LARGE1: variants seen among roughly 807,000 people sequenced by gnomAD.
The protein encoded by LARGE1 is xylosyl- and glucuronyltransferase LARGE1.
LARGE1 carries 43 observed loss-of-function variants against 87.6 expected under a neutral mutation model. The ratio of observed to expected loss-of-function variants is 0.49; its 90% CI spans 0.38 to 0.63. The LOEUF (loss-of-function observed/expected upper bound fraction) is 0.63. Ranked by LOEUF, LARGE1 falls within the 30% of genes least tolerant of loss-of-function variation. The probability of loss-of-function intolerance (pLI) is 0.00; values close to 1 mark genes in which losing one functional copy is unlikely to be tolerated. For missense variants in LARGE1, 802 were observed against 1,000.2 expected (o/e 0.80, Z 2.67); for synonymous variants, 434 against 394.6 (o/e 1.10, Z -1.18).
intron 1 of LARGE1, among the ~76,000 whole-genome samples, chr22:33,798,645 C>T (rs756644778): frequency 6.6e-6 from 1 of 152,260 alleles, no homozygotes; most frequent in East Asian, 1.9e-4. Flanking sequence ...GACCTTGACA[C>T]GTTTTTCAAA....
At chr22:33,243,149 C>A (rs1371671736) in intron 11 of LARGE1, among the ~76,000 whole-genome samples, 2 of 152,106 alleles carry the variant, frequency 1.3e-5, no homozygotes, top group East Asian at 1.9e-4. Context: ...GCATGGGGGG[C>A]AGTAGAGCTA....
intron 9 of LARGE1, among the ~76,000 whole-genome samples, chr22:33,374,774 T>C: frequency 6.6e-6 from 1 of 152,292 alleles, no homozygotes; most frequent in African/African-American, 2.4e-5. Flanking sequence ...TTATATAAAA[T>C]TCTTAAAAAT....
At chr22:33,762,891 C>G (rs2084783643) in intron 1 of LARGE1, among the ~76,000 whole-genome samples, 1 of 152,214 alleles carries the variant, frequency 6.6e-6, no homozygotes, top group Non-Finnish European at 1.5e-5. Flanking sequence ...CCACATGGTG[C>G]TTCCCTAACA....
At chr22:33,727,402 A>C (rs2083303635) in intron 2 of LARGE1, 1 of 152,212 alleles carries the variant, frequency 6.6e-6, no homozygotes, top group Non-Finnish European at 1.5e-5. Context: ...GCAATGAGGA[A>C]CCAAGACCCA....
intron 6 of LARGE1, among the ~76,000 whole-genome samples, chr22:33,526,211 G>A (rs190423818): frequency 6.2e-4 from 95 of 152,194 alleles, no homozygotes; most frequent in Admixed American, 1.4e-3. Context: ...GTATTTATAA[G>A]AGAAAAAAAC....
At chr22:33,160,084 A>G (rs991604359), downstream of LARGE1, among the ~76,000 whole-genome samples, 1 of 152,238 alleles carries the variant, frequency 6.6e-6, no homozygotes, top group East Asian at 1.9e-4. Flanking sequence ...AGGGGACACA[A>G]AGTAGCATAA....
At chr22:33,181,689 C>T (rs375226719) in intron 11 of LARGE1, among the ~76,000 whole-genome samples, 7 of 152,046 alleles carry the variant, frequency 4.6e-5, no homozygotes, top group East Asian at 3.9e-4. Context: ...CCACCACACC[C>T]GGGTAATTTT....
intron 1 of LARGE1, among the ~76,000 whole-genome samples, chr22:33,824,035 G>A (rs866578394): frequency 6.6e-6 from 1 of 152,070 alleles, no homozygotes; most frequent in Non-Finnish European, 1.5e-5. Flanking sequence ...CACATCCTTA[G>A]AACAATCCTT....
In LARGE1 at chr22:33,775,229, C is replaced by T. The variant is rs529830949; in HGVS notation, c.-82-13671G>A. On this transcript the variant is annotated intron_variant, in intron 1 of 14. Coordinates refer to ENST00000397394, the MANE Select transcript of LARGE1 (RefSeq NM_133642.5). ...GCTGTAAGAGAGGCACTGGGAATAA[C>T]CCCAAGATTTCCAGCTTCAAATTGA... 2.2e-4 allele frequency among the ~76,000 whole-genome samples: 34 copies of T among 152,326 alleles called. 1 individual carries two copies. The highest frequency in any genetic ancestry group is 7.2e-4 in the African/African-American group (30 of 41,584).
At chr22:33,141,749 T>C in the LARGE1 span, among the ~76,000 whole-genome samples, 2 of 152,304 alleles carry the variant, frequency 1.3e-5, no homozygotes, top group South Asian at 4.1e-4. Flanking sequence ...GGTATGCTTT[T>C]GGTATATGTA....
At chr22:33,487,114 A>G (rs371357583) in intron 6 of LARGE1, among the ~76,000 whole-genome samples, 22 of 152,196 alleles carry the variant, frequency 1.4e-4, no homozygotes, top group African/African-American at 5.3e-4. Flanking sequence ...GCCCCAACAA[A>G]CCCCTTAAGA....
the LARGE1 span, among the ~76,000 whole-genome samples, chr22:33,107,135 ACTCT>A: frequency 2.0e-5 from 3 of 152,060 alleles, no homozygotes; most frequent in Non-Finnish European, 4.4e-5. Flanking sequence ...TTTCAATGAT[ACTCT>A]CTCTCTCAGA....
rs112487169 is a variant in LARGE1 at position 33,726,825 on chromosome 22, G to A, written c.106+34546C>T. 7.9e-5 allele frequency among the ~76,000 whole-genome samples: 12 copies of A among 152,222 alleles called. 1 individual carries two copies. The highest frequency in any genetic ancestry group is 2.4e-4 in the African/African-American group (10 of 41,538). On this transcript the variant is annotated intron_variant, in intron 2 of 14. Coordinates refer to ENST00000397394, the MANE Select transcript of LARGE1 (RefSeq NM_133642.5). ...AAGACTGGGGGAATTGGGGTGCAGGGACAGAATTCCCTCCCCACTCGGATC... is the reference window on the plus strand; with the variant it reads ...AAGACTGGGGGAATTGGGGTGCAGGAACAGAATTCCCTCCCCACTCGGATC...
chr22:33,195,756 C>CTTTTTTTTTT (rs71187249), intron 11 of LARGE1, among the ~76,000 whole-genome samples: 1 of 130,734 alleles, frequency 7.6e-6, no homozygotes, highest in Non-Finnish European at 1.6e-5. Flanking sequence ...TTTCTTTTTT[C>CTTTTTTTTTT]TTTTTTTTTT....
intron 6 of LARGE1, among the ~76,000 whole-genome samples, chr22:33,434,263 T>C (rs1415440520): frequency 6.6e-6 from 1 of 152,162 alleles, no homozygotes; most frequent in African/African-American, 2.4e-5. Context: ...TACCTAATTA[T>C]TAAGATAATT....
At chr22:33,700,933 G>A (rs2082388968) in intron 2 of LARGE1, among the ~76,000 whole-genome samples, 1 of 152,160 alleles carries the variant, frequency 6.6e-6, no homozygotes, top group African/African-American at 2.4e-5. Flanking sequence ...CCACATCCGT[G>A]GTCTGAGGTG....
chr22:33,768,274 GGCGACAGA>G (rs1057356785), intron 1 of LARGE1, among the ~76,000 whole-genome samples: 3 of 152,108 alleles, frequency 2.0e-5, no homozygotes, highest in African/African-American at 7.2e-5. Flanking sequence ...GTGCCGCCTG[GGCGACAGA>G]GCGAGACTCC....
intron 2 of LARGE1, among the ~76,000 whole-genome samples, chr22:33,684,693 A>G (rs2081893103): frequency 6.6e-6 from 1 of 152,162 alleles, no homozygotes; most frequent in Non-Finnish European, 1.5e-5. Context: ...CAAGCCAGCC[A>G]GGGTGGAGCT....
intron 11 of LARGE1, among the ~76,000 whole-genome samples, chr22:33,234,688 T>A (rs553095039): frequency 1.3e-5 from 2 of 152,154 alleles, no homozygotes; most frequent in South Asian, 4.2e-4. Context: ...ATCACAGGCA[T>A]GAGCCACCAT....
Sources: allele counts gnomAD v4.1 joint callset (sites outside exome capture counted in the v4.1 genomes callset), GRCh38; gene constraint gnomAD v4.1.1; transcripts MANE v1.5; gene names NCBI Gene and HGNC (gene_info 2026-07-23, HGNC 2026-07-21).